SLC35F3: variants seen among roughly 807,000 people sequenced by gnomAD.
The protein encoded by SLC35F3 is putative thiamine transporter SLC35F3.
SLC35F3 carries 25 observed loss-of-function variants against 49.9 expected under a neutral mutation model. The observed-to-expected ratio is 0.50, with a 90% confidence interval of 0.37 to 0.70. The LOEUF (loss-of-function observed/expected upper bound fraction) is 0.70. Ranked by LOEUF, SLC35F3 falls within the 30% of genes least tolerant of loss-of-function variation. The probability of loss-of-function intolerance (pLI) is 0.00; values close to 1 mark genes in which losing one functional copy is unlikely to be tolerated. For synonymous variants in SLC35F3, 275 were observed against 265.4 expected (o/e 1.04, Z -0.35); for missense variants, 525 against 639.8 (o/e 0.82, Z 1.94).
intron 2 of SLC35F3, among the ~76,000 whole-genome samples, chr1:234,075,106 A>G (rs533827742): frequency 1.2e-3 from 183 of 152,378 alleles, no homozygotes; most frequent in Non-Finnish European, 1.8e-3. Context: ...GAGTACTAAC[A>G]ATGTGGAAAT....
chr1:234,076,878 A>G (rs1477486527), intron 2 of SLC35F3, among the ~76,000 whole-genome samples: 2 of 152,224 alleles, frequency 1.3e-5, no homozygotes, highest in Non-Finnish European at 2.9e-5. Flanking sequence ...ATGGAAATGC[A>G]GAGTTGCCAG....
chr1:234,244,530 C>G lies in SLC35F3; in HGVS notation c.608+12789C>G, dbSNP rs1235362766. On this transcript the variant is annotated intron_variant, in intron 3 of 7. Coordinates refer to ENST00000366618, the MANE Select transcript of SLC35F3 (RefSeq NM_173508.4). ...TCTGTCCTTATAAGAAGCTGTTCCTCTATCATCCAGAATGATAAACTAATC... is the reference window on the plus strand; with the variant it reads ...TCTGTCCTTATAAGAAGCTGTTCCTGTATCATCCAGAATGATAAACTAATC... 2.0e-5 allele frequency among the ~76,000 whole-genome samples: 3 copies of G among 152,116 alleles called. 1 individual carries two copies. The South Asian group carries it at 6.2e-4, about 32-fold the overall frequency.
At chr1:234,309,356 A>G in intron 4 of SLC35F3, 36 bp downstream of exon 4, 1 of 1,595,082 alleles carries the variant, frequency 6.3e-7, no homozygotes, top group African/African-American at 1.3e-5. Context: ...TCCCTCACTC[A>G]GTCATGTCAA....
chr1:234,272,967 G>A (rs1668133155), intron 3 of SLC35F3, among the ~76,000 whole-genome samples: 1 of 152,174 alleles, frequency 6.6e-6, no homozygotes, highest in South Asian at 2.1e-4. Flanking sequence ...GCCCCTGGGG[G>A]CTTTACTAAT....
chr1:234,286,083 C>T (rs767350121), intron 3 of SLC35F3, among the ~76,000 whole-genome samples: 3 of 152,054 alleles, frequency 2.0e-5, no homozygotes, highest in East Asian at 1.9e-4. Flanking sequence ...ATAGTGATAT[C>T]GTATGTGTTA....
chr1:234,170,277 G>A (rs776205764), intron 2 of SLC35F3, among the ~76,000 whole-genome samples: 2 of 152,148 alleles, frequency 1.3e-5, no homozygotes, highest in African/African-American at 2.4e-5. Flanking sequence ...TATAGAGGGG[G>A]GCACGGCAGC....
intron 2 of SLC35F3, among the ~76,000 whole-genome samples, chr1:234,181,057 C>A (rs1192512958): frequency 1.3e-5 from 2 of 151,864 alleles, no homozygotes; most frequent in Non-Finnish European, 2.9e-5. Flanking sequence ...TAAAAATGGC[C>A]AGGCGCGGTG....
chr1:234,147,534 G>A (rs1214728019), intron 2 of SLC35F3, among the ~76,000 whole-genome samples: 1 of 151,978 alleles, frequency 6.6e-6, no homozygotes, highest in Non-Finnish European at 1.5e-5. Flanking sequence ...TTCATTTATA[G>A]CATGTGTACT....
intron 2 of SLC35F3, among the ~76,000 whole-genome samples, chr1:233,936,715 G>T (rs548011969): frequency 2.0e-5 from 3 of 150,652 alleles, no homozygotes; most frequent in East Asian, 3.9e-4. Context: ...TTGAGACAGG[G>T]TCTTGCTATG....
At chr1:234,057,834 T>C (rs540387050) in intron 2 of SLC35F3, among the ~76,000 whole-genome samples, 2 of 152,276 alleles carry the variant, frequency 1.3e-5, no homozygotes, top group Admixed American at 1.3e-4. Flanking sequence ...GCCTTCTGAG[T>C]AGCTGGAATT....
intron 2 of SLC35F3, among the ~76,000 whole-genome samples, chr1:234,110,081 G>A (rs986235809): frequency 1.3e-5 from 2 of 150,730 alleles, no homozygotes; most frequent in African/African-American, 2.4e-5. Context: ...GGGCCCAGAA[G>A]CGCAAAGACC....
At chr1:233,919,601 C>A (rs1047816114) in intron 2 of SLC35F3, among the ~76,000 whole-genome samples, 1 of 152,174 alleles carries the variant, frequency 6.6e-6, no homozygotes, top group African/African-American at 2.4e-5. Flanking sequence ...ACTTAGTCTG[C>A]AAAATAGACA....
intron 2 of SLC35F3, among the ~76,000 whole-genome samples, chr1:234,057,621 T>G (rs1664474449): frequency 6.6e-6 from 1 of 152,164 alleles, no homozygotes; most frequent in Non-Finnish European, 1.5e-5. Flanking sequence ...CCAATTTGGG[T>G]ACCTTTTATT....
At chr1:234,107,853 G>A (rs1160986118) in intron 2 of SLC35F3, among the ~76,000 whole-genome samples, 2 of 152,066 alleles carry the variant, frequency 1.3e-5, no homozygotes, top group African/African-American at 4.8e-5. Context: ...AGCACTCAAA[G>A]TACACTTTAT....
At chr1:233,926,836 T>G (rs1662168081) in intron 2 of SLC35F3, among the ~76,000 whole-genome samples, 1 of 152,164 alleles carries the variant, frequency 6.6e-6, no homozygotes, top group South Asian at 2.1e-4. Flanking sequence ...TTGTCTTTTT[T>G]GTTGATGTTG....
intron 2 of SLC35F3, among the ~76,000 whole-genome samples, chr1:233,961,222 G>A (rs1165540940): frequency 6.6e-6 from 1 of 152,064 alleles, no homozygotes; most frequent in Non-Finnish European, 1.5e-5. Flanking sequence ...TCGAACAGGT[G>A]GGGATTTTGA....
chr1:234,018,317 G>A (rs1663836367), intron 2 of SLC35F3, among the ~76,000 whole-genome samples: 1 of 152,130 alleles, frequency 6.6e-6, no homozygotes, highest in South Asian at 2.1e-4. Context: ...TAGAAGAAAG[G>A]CAATGATGGG....
At chr1:234,028,851 A>T (rs1664016021) in intron 2 of SLC35F3, among the ~76,000 whole-genome samples, 1 of 152,154 alleles carries the variant, frequency 6.6e-6, no homozygotes, top group African/African-American at 2.4e-5. Context: ...GCAGGCTAGA[A>T]TCAGGAGCTT....
chr1:233,988,361 A>G (rs945492570), intron 2 of SLC35F3, among the ~76,000 whole-genome samples: 1 of 152,192 alleles, frequency 6.6e-6, no homozygotes, highest in Non-Finnish European at 1.5e-5. Context: ...CTTGAACTTA[A>G]TTCCCTACTT....
Sources: allele counts gnomAD v4.1 joint callset (sites outside exome capture counted in the v4.1 genomes callset), GRCh38; gene constraint gnomAD v4.1.1; transcripts MANE v1.5; gene names NCBI Gene and HGNC (gene_info 2026-07-23, HGNC 2026-07-21).